Variants in CLPTM1 observed in about 807,000 individuals in gnomAD.
CLPTM1 encodes the protein CLPTM1 regulator of GABA type A receptor forward trafficking.
In CLPTM1, 21 loss-of-function variants were observed where a neutral mutation model predicts 77.3. That is an observed-to-expected ratio of 0.27 (90% confidence interval 0.19 to 0.39). CLPTM1 has a LOEUF of 0.39. CLPTM1 is among the 10% of genes least tolerant of loss of function. The pLI is 1.00. For synonymous variants in CLPTM1, 373 were observed against 381.0 expected, an observed-to-expected ratio of 0.98 and a Z score of 0.24; for missense variants, 642 against 921.2, an observed-to-expected ratio of 0.70 and a Z score of 3.92.
upstream of CLPTM1, chr19:44,955,035 CGGCA>C (rs1418036192): frequency 2.0e-6 from 3 of 1,535,594 alleles, no homozygotes; most frequent in South Asian, 2.4e-5. Flanking sequence ...CGCGAAGAAT[CGGCA>C]GGGAGAAGCG....
chr19:44,964,096 C>T (rs1264531240), intron 2 of CLPTM1, among the ~76,000 whole-genome samples: 1 of 151,148 alleles, frequency 6.6e-6, no homozygotes, highest in East Asian at 2.0e-4. Flanking sequence ...TGCAGTGAGC[C>T]GAGATCACAC....
At chr19:44,986,404 C>T in intron 6 of CLPTM1, 51 bp from the exon 7 acceptor site, 1 of 1,602,832 alleles carries the variant, frequency 6.2e-7, no homozygotes, top group South Asian at 1.1e-5. Flanking sequence ...GAGTGATAGT[C>T]CCCGAGCACT....
In CLPTM1 at chr19:44,992,493, A is replaced by G. The variant is rs1167352939; in HGVS notation, c.1723+93A>G. The G allele has an allele frequency of 2.5e-6, 4 of 1,589,716 alleles. No individual in the cohort carries two copies. In the African/African-American group the frequency reaches 5.4e-5, roughly 21 times the overall value. ...GCCTGAGGGGGTGCCACGGCCCCAG[A>G]TGGGGTGCTCAGTCTGAGGGGGCTC... On this transcript the variant is annotated intron_variant, in intron 13 of 13. Transcript: ENST00000337392. This position sits in a 1 kb window ranked among gnomAD's most constrained non-coding sequence, Gnocchi z 7.7.
At chr19:44,964,155 A>T (rs893825134) in intron 2 of CLPTM1, among the ~76,000 whole-genome samples, 3 of 151,986 alleles carry the variant, frequency 2.0e-5, no homozygotes, top group Non-Finnish European at 2.9e-5. Context: ...CGCAAAAAAA[A>T]GTTGGGGGGA....
Position 44,977,448 on chromosome 19 carries a change from C to T in CLPTM1, c.574C>T (p.His192Tyr). ...KALYRRLATV[H>Y]MSRMINKYKR... ...CCTGTACCGCCGGCTTGCCACAGTC[C>T]ACATGTCCCGGAGTAAGTCGCTCCC... The change falls in exon 5 of 14, where the codon CAC becomes TAC. Residue 192 changes from histidine to tyrosine, a missense_variant. This residue lies in a region of CLPTM1 where 521 missense variants were observed against 800.4 expected (regional missense o/e 0.65). Coordinates refer to ENST00000337392, the MANE Select transcript of CLPTM1 (RefSeq NM_001294.4). 2 of 1,606,596 alleles carry T rather than the reference C, an allele frequency of 1.2e-6. No individual in the cohort carries two copies. Among genetic ancestry groups the T allele is most frequent in the Non-Finnish European group, 1.7e-6 (2 of 1,179,258 alleles).
upstream of CLPTM1, chr19:44,955,132 C>A (rs1000959114): frequency 3.3e-6 from 5 of 1,535,600 alleles, no homozygotes; most frequent in African/African-American, 6.8e-5. Context: ...GCGGGAGGCA[C>A]ATGCTGGCCG....
chr19:44,973,400 C>A (rs2293755), intron 3 of CLPTM1, among the ~76,000 whole-genome samples, 190 bp downstream of exon 3: 2 of 152,126 alleles, frequency 1.3e-5, no homozygotes, highest in African/African-American at 4.8e-5. Context: ...GGGTCCATCC[C>A]CAGCACATAA....
Position 44,990,230 on chromosome 19 carries a change from A to G in CLPTM1, c.1133-165A>G. 1.5e-6 allele frequency: 1 copy of G among 678,284 alleles called. No homozygotes were observed. Among genetic ancestry groups the G allele is most frequent in the Non-Finnish European group, 2.5e-6 (1 of 399,538 alleles). 42.0% of individuals were successfully genotyped at this position (678,284 alleles called of 1,614,324 possible). On this transcript the variant is annotated intron_variant, in intron 9 of 13. Coordinates refer to ENST00000337392, the MANE Select transcript of CLPTM1 (RefSeq NM_001294.4). The surrounding 1 kb of genome is among the most constrained non-coding windows in gnomAD (Gnocchi z 4.8). ...CTGGTGCTCTGGGGGTCACCCAATG[A>G]ATATGAGAGCCTTCCTGGGAGAGAG...
chr19:44,976,600 C>T (rs1233782696), intron 4 of CLPTM1, among the ~76,000 whole-genome samples: 2 of 152,322 alleles, frequency 1.3e-5, no homozygotes, highest in African/African-American at 4.8e-5. Flanking sequence ...CCACCCAGTG[C>T]CCCTGGACAA....
chr19:44,976,296 G>C lies in CLPTM1; in HGVS notation c.469-1047G>C, dbSNP rs147825223. Among the ~76,000 whole-genome samples the C allele has an allele frequency of 4.0e-3, 616 of 152,302 alleles. 11 individuals are homozygous for C. Among genetic ancestry groups the C allele is most frequent in the East Asian group, 2.9e-3 (15 of 5,180 alleles). On this transcript the variant is annotated intron_variant, in intron 4 of 13. Transcript: ENST00000337392. ...GCTTCCAAGGGCTTGGATCTAAGTCGAAGCTTCAGGGTGGGGTCCAAGTGG... is the reference window on the plus strand; with the variant it reads ...GCTTCCAAGGGCTTGGATCTAAGTCCAAGCTTCAGGGTGGGGTCCAAGTGG...
At chr19:44,970,962 C>T (rs1286758055) in intron 2 of CLPTM1, among the ~76,000 whole-genome samples, 5 of 146,008 alleles carry the variant, frequency 3.4e-5, no homozygotes, top group Non-Finnish European at 7.4e-5. Flanking sequence ...TCCCGAATAG[C>T]TGGGATTACA....
intron 4 of CLPTM1, among the ~76,000 whole-genome samples, chr19:44,975,654 C>T (rs1970795212): frequency 6.6e-6 from 1 of 152,020 alleles, no homozygotes; most frequent in Non-Finnish European, 1.5e-5. Context: ...AACTTCACCT[C>T]CCAGGTTCAA....
intron 2 of CLPTM1, among the ~76,000 whole-genome samples, chr19:44,968,734 A>G (rs1166214766): frequency 6.6e-6 from 1 of 152,186 alleles, no homozygotes; most frequent in Non-Finnish European, 1.5e-5. Flanking sequence ...GGACCCCCAC[A>G]GCCACACACT....
At position 44,962,352 on chromosome 19, in the gene CLPTM1, C is replaced by T. The variant is rs529091772; in HGVS notation, c.185+277C>T. Among the ~76,000 whole-genome samples the T allele has an allele frequency of 3.3e-5, 5 of 152,212 alleles. No individual in the cohort carries two copies. In the East Asian group the frequency reaches 7.7e-4, roughly 24 times the overall value. ...ACACAAAAAATACTGAAGTAGTTTGCTAGGGCCCTTGTATCAAGTAATATA... is the reference window on the plus strand; with the variant it reads ...ACACAAAAAATACTGAAGTAGTTTGTTAGGGCCCTTGTATCAAGTAATATA... On this transcript the variant is annotated intron_variant, in intron 2 of 13. Coordinates refer to ENST00000337392, the MANE Select transcript of CLPTM1 (RefSeq NM_001294.4).
intron 2 of CLPTM1, among the ~76,000 whole-genome samples, chr19:44,969,732 G>T (rs1265953034): frequency 6.9e-6 from 1 of 145,492 alleles, no homozygotes; most frequent in East Asian, 2.0e-4. Flanking sequence ...CTGTCACCCA[G>T]ACTGGAGTCC....
At chr19:44,976,036 G>A (rs1261832561) in intron 4 of CLPTM1, among the ~76,000 whole-genome samples, 4 of 152,020 alleles carry the variant, frequency 2.6e-5, no homozygotes, top group African/African-American at 4.8e-5. Flanking sequence ...CTAATTTTTT[G>A]TAGAGATGGG....
intron 1 of CLPTM1, among the ~76,000 whole-genome samples, chr19:44,959,178 T>G (rs1335336386): frequency 6.6e-6 from 1 of 152,170 alleles, no homozygotes; most frequent in Non-Finnish European, 1.5e-5. Context: ...AATGCTGCTA[T>G]GAACATTCAT....
At chr19:44,955,186 GAAAC>G, upstream of CLPTM1, 1 of 1,534,610 alleles carries the variant, frequency 6.5e-7, no homozygotes, top group Non-Finnish European at 8.7e-7. Flanking sequence ...TTATTAGGTG[GAAAC>G]AAACGGGCTG....
At chr19:44,989,331 T>G (rs547795638) in intron 9 of CLPTM1, among the ~76,000 whole-genome samples, 9 of 152,196 alleles carry the variant, frequency 5.9e-5, no homozygotes, top group African/African-American at 2.2e-4. Context: ...CAGTGAGAAA[T>G]GAGGCACAAG....
Sources: allele counts gnomAD v4.1 joint callset (sites outside exome capture counted in the v4.1 genomes callset), GRCh38; gene constraint gnomAD v4.1.1; regional missense constraint gnomAD v4.1.1; non-coding constraint Gnocchi (gnomAD v3.1); transcripts MANE v1.5; gene names NCBI Gene and HGNC (gene_info 2026-07-23, HGNC 2026-07-21).